The following KHDC1 variants were observed in gnomAD, a reference collection of about 807,000 sequenced individuals.
The protein encoded by KHDC1 is KH homology domain-containing protein 1.
KHDC1 carries 21 observed loss-of-function variants against 24.7 expected under a neutral mutation model. The ratio of observed to expected loss-of-function variants is 0.85; its 90% CI spans 0.60 to 1.23. KHDC1 has a LOEUF of 1.23. Among genes scored for constraint, KHDC1 ranks in the 50% most tolerant of loss-of-function variants. The pLI is 0.00. For missense variants in KHDC1, 274 were observed against 298.5 expected, an observed-to-expected ratio of 0.92 and a Z score of 0.61; for synonymous variants, 98 against 111.7, an observed-to-expected ratio of 0.88 and a Z score of 0.77.
intron 1 of KHDC1, among the ~76,000 whole-genome samples, chr6:73,302,535 C>T (rs189572997): frequency 7.9e-5 from 12 of 152,240 alleles, no homozygotes; most frequent in African/African-American, 2.9e-4. Context: ...ATCCTGTAGG[C>T]AACTGTAATA....
At chr6:73,249,660 G>A (rs1766743165) in intron 2 of KHDC1, among the ~76,000 whole-genome samples, 1 of 152,180 alleles carries the variant, frequency 6.6e-6, no homozygotes, top group African/African-American at 2.4e-5. Flanking sequence ...TGTCTCTGCT[G>A]GATGTGGACT....
At chr6:73,241,471 A>G in exon 5 of KHDC1, 1 of 1,552,566 alleles carries the variant, frequency 6.4e-7, no homozygotes, top group Non-Finnish European at 8.9e-7. Flanking sequence ...TTTCTCACCA[A>G]AAGTGAAGCC....
At chr6:73,286,966 A>G (rs1165394229) in intron 2 of KHDC1, among the ~76,000 whole-genome samples, 1 of 152,120 alleles carries the variant, frequency 6.6e-6, no homozygotes, top group African/African-American at 2.4e-5. Context: ...TCCTACTACC[A>G]GGATGGCTCC....
intron 2 of KHDC1, chr6:73,275,224 C>T (rs1767263062): frequency 6.6e-6 from 1 of 152,480 alleles, no homozygotes; most frequent in Admixed American, 6.5e-5. Context: ...GTGGCGCATA[C>T]CTATAATCCC....
intron 1 of KHDC1, among the ~76,000 whole-genome samples, chr6:73,293,711 A>G (rs1293462538): frequency 6.6e-6 from 1 of 151,942 alleles, no homozygotes; most frequent in African/African-American, 2.4e-5. Context: ...TACAAGTGTA[A>G]TCCCAGCCAT....
intron 2 of KHDC1, among the ~76,000 whole-genome samples, chr6:73,289,570 G>A (rs1435842085): frequency 1.3e-5 from 2 of 151,010 alleles, no homozygotes; most frequent in Non-Finnish European, 3.0e-5. Flanking sequence ...AGAATCACTT[G>A]AACAAGGAGG....
intron 1 of KHDC1, among the ~76,000 whole-genome samples, chr6:73,297,135 A>G (rs773200845): frequency 3.9e-5 from 6 of 152,262 alleles, no homozygotes; most frequent in Admixed American, 1.3e-4. Context: ...CCCTGACCTC[A>G]GGTGATAGGC....
Position 73,268,463 on chromosome 6 carries a change from C to T in KHDC1, c.206+23535G>A, listed in dbSNP as rs532886291. 2.4e-4 allele frequency: 37 copies of T among 152,356 alleles called. No homozygotes were observed. In the South Asian group the frequency reaches 6.6e-3, roughly 27 times the overall value. The allele number at this position is 152,356 out of a possible 1,614,324, so 9.4% of individuals were successfully genotyped here. ...GTGGAAGGGGACCCCAACGGGTTGC[C>T]GCTGCTGGCTCCGGAAGCCTGCTTT... On this transcript the variant is annotated intron_variant, in intron 2 of 4. Transcript: ENST00000370384.
At chr6:73,259,822 T>C (rs1219197616) in intron 2 of KHDC1, among the ~76,000 whole-genome samples, 1 of 152,170 alleles carries the variant, frequency 6.6e-6, no homozygotes, top group Non-Finnish European at 1.5e-5. Context: ...GCAAACCATG[T>C]TCAAGCTCTT....
Position 73,309,478 on chromosome 6 carries a change from C to T in KHDC1, c.163+74G>A, listed in dbSNP as rs531418164. 3 of 1,407,104 alleles carry T rather than the reference C, an allele frequency of 2.1e-6. No individual in the cohort carries two copies. The East Asian group carries it at 7.6e-5, about 36-fold the overall frequency. The allele number at this position is 1,407,104 out of a possible 1,614,324, so 87.2% of individuals were successfully genotyped here. A position where few individuals can be genotyped will look rare whatever the true frequency, so the allele number is the denominator to read the frequency against. ...GAGCTGGAGTGATCCTGAAAGATCCCGGAAGCGAAACTCGCCTTTCCGGGC... is the reference window on the plus strand; with the variant it reads ...GAGCTGGAGTGATCCTGAAAGATCCTGGAAGCGAAACTCGCCTTTCCGGGC... On this transcript the variant is annotated intron_variant, in intron 1 of 4. Transcript: ENST00000370384.
At chr6:73,288,625 A>G (rs567495194) in intron 2 of KHDC1, among the ~76,000 whole-genome samples, 1 of 152,076 alleles carries the variant, frequency 6.6e-6, no homozygotes, top group East Asian at 1.9e-4. Flanking sequence ...CGTCTTAAAA[A>G]AAAAGTTTTC....
intron 2 of KHDC1, among the ~76,000 whole-genome samples, chr6:73,266,535 TCTTTTCAAAAAATGGTACTTGGAAAG>T (rs1372123977): frequency 1.3e-5 from 2 of 152,184 alleles, no homozygotes; most frequent in Non-Finnish European, 2.9e-5. Context: ...GGAGGGACAG[TCTTTTCAAAAAATGGTACTTGGAAAG>T]CTGGATACCC....
intron 1 of KHDC1, among the ~76,000 whole-genome samples, chr6:73,294,404 C>A (rs1011867665): frequency 6.6e-6 from 1 of 151,968 alleles, no homozygotes; most frequent in Non-Finnish European, 1.5e-5. Context: ...ACATATTTAG[C>A]ACTTGATACA....
chr6:73,292,548 T>C (rs958033194), intron 1 of KHDC1: 3 of 768,106 alleles, frequency 3.9e-6, no homozygotes, highest in African/African-American at 3.4e-5. Flanking sequence ...AAAGAGACCA[T>C]AGATAATAAT....
chr6:73,263,049 G>T, intron 2 of KHDC1: 1 of 954,832 alleles, frequency 1.0e-6, no homozygotes, highest in Non-Finnish European at 1.2e-6. Flanking sequence ...GGGCGGCGGC[G>T]GCGGCGGCGG....
At chr6:73,305,068 T>C (rs1767937246) in intron 1 of KHDC1, among the ~76,000 whole-genome samples, 2 of 151,880 alleles carry the variant, frequency 1.3e-5, no homozygotes, top group South Asian at 2.1e-4. Flanking sequence ...TGAAACTTCA[T>C]CTATACTAAA....
chr6:73,281,918 T>C (rs1767421018), intron 2 of KHDC1, among the ~76,000 whole-genome samples: 1 of 151,922 alleles, frequency 6.6e-6, no homozygotes, highest in Non-Finnish European at 1.5e-5. Context: ...GTCAAGCATA[T>C]TTTAAGATGC....
intron 1 of KHDC1, among the ~76,000 whole-genome samples, chr6:73,302,751 T>C (rs1339969921): frequency 6.6e-6 from 1 of 152,210 alleles, no homozygotes; most frequent in East Asian, 1.9e-4. Flanking sequence ...CATTATGTGA[T>C]ATAGATATAT....
intron 2 of KHDC1, among the ~76,000 whole-genome samples, chr6:73,249,354 G>A (rs192461195): frequency 4.6e-5 from 7 of 152,184 alleles, no homozygotes; most frequent in Non-Finnish European, 8.8e-5. Flanking sequence ...TACTGGGTAG[G>A]GGTGGCTGCC....
Sources: gnomAD v4.1 joint callset for allele counts (sites outside exome capture counted in the v4.1 genomes callset) on GRCh38, gnomAD v4.1.1 for gene constraint, MANE v1.5 for transcripts, NCBI Gene and HGNC (gene_info 2026-07-23, HGNC 2026-07-21) for gene names.